The following TMEM132D variants were observed in gnomAD, a reference collection of about 807,000 sequenced individuals.
TMEM132D encodes the protein transmembrane protein 132D, also known as mature OL transmembrane protein.
In TMEM132D, 21 loss-of-function variants were observed where a neutral mutation model predicts 62.3. The ratio of observed to expected loss-of-function variants is 0.34; its 90% CI spans 0.24 to 0.49. TMEM132D has a LOEUF of 0.49. Among genes scored for constraint, TMEM132D ranks in the 20% least tolerant of loss-of-function variants. The pLI is 0.99. For missense variants in TMEM132D, 1,346 were observed against 1,402.8 expected (o/e 0.96, Z 0.65); for synonymous variants, 621 against 575.6 (o/e 1.08, Z -1.13).
chr12:129,081,068 G>T (rs1038451077), intron 7 of TMEM132D, among the ~76,000 whole-genome samples: 4 of 152,214 alleles, frequency 2.6e-5, no homozygotes, highest in Non-Finnish European at 5.9e-5. Context: ...AGGTTTAGGT[G>T]ACCATGCTCA....
intron 2 of TMEM132D, among the ~76,000 whole-genome samples, chr12:129,690,814 G>A (rs1881045468): frequency 6.6e-6 from 1 of 152,150 alleles, no homozygotes. Flanking sequence ...TAAGGATGTA[G>A]ATGACCTGAA....
At chr12:129,648,147 G>C (rs1260853882) in intron 2 of TMEM132D, among the ~76,000 whole-genome samples, 2 of 152,038 alleles carry the variant, frequency 1.3e-5, no homozygotes, top group African/African-American at 4.8e-5. Context: ...TCGCTCCTAT[G>C]GATAACATCA....
intron 2 of TMEM132D, among the ~76,000 whole-genome samples, chr12:129,685,853 G>C (rs548706033): frequency 5.9e-5 from 9 of 152,340 alleles, no homozygotes; most frequent in African/African-American, 1.9e-4. Context: ...GTAAGACATG[G>C]AGTCAAAGTA....
At chr12:129,401,732 G>A (rs1012587538) in intron 3 of TMEM132D, among the ~76,000 whole-genome samples, 1 of 152,154 alleles carries the variant, frequency 6.6e-6, no homozygotes, top group African/African-American at 2.4e-5. Context: ...GAGATAATGA[G>A]CTGGGATTGG....
intron 4 of TMEM132D, among the ~76,000 whole-genome samples, chr12:129,265,260 C>A (rs1395854942): frequency 6.6e-6 from 1 of 152,080 alleles, no homozygotes; most frequent in Non-Finnish European, 1.5e-5. Flanking sequence ...CCCATCAGAA[C>A]CATGTAGACT....
intron 5 of TMEM132D, among the ~76,000 whole-genome samples, chr12:129,116,683 CAAT>C (rs970322125): frequency 7.2e-5 from 11 of 151,888 alleles, no homozygotes; most frequent in African/African-American, 2.2e-4. Flanking sequence ...ATTAAAACAA[CAAT>C]GAGATGTGAT....
chr12:129,181,574 A>T (rs956048460), intron 5 of TMEM132D, among the ~76,000 whole-genome samples: 5 of 152,152 alleles, frequency 3.3e-5, no homozygotes, highest in African/African-American at 9.7e-5. Flanking sequence ...ATCCTTCCAC[A>T]GTGCTCCTGC....
intron 3 of TMEM132D, among the ~76,000 whole-genome samples, chr12:129,360,013 C>A (rs79820965): frequency 0.041 from 6,160 of 149,028 alleles, 188 homozygotes; most frequent in Admixed American, 0.07. Context: ...AAAAAAAAAA[C>A]CCCATTTTTT....
In TMEM132D at chr12:129,899,009, C is replaced by T. The variant is rs556508850; in HGVS notation, c.79+4252G>A. Among the ~76,000 whole-genome samples the T allele has an allele frequency of 6.6e-5, 10 of 152,338 alleles. No homozygotes were observed. In the South Asian group the frequency reaches 8.3e-4, roughly 13 times the overall value. ...GGCACTAAACATCCCTACCTAAGGA[C>T]GCTTTAGTACCTGTCCTGTGTCCTC... On this transcript the variant is annotated intron_variant, in intron 1 of 8. Transcript: ENST00000422113.
intron 5 of TMEM132D, among the ~76,000 whole-genome samples, chr12:129,132,571 G>A (rs929828042): frequency 2.6e-5 from 4 of 152,258 alleles, no homozygotes; most frequent in Admixed American, 2.0e-4. Flanking sequence ...AAAGCTATAA[G>A]TTTGTACCCT....
At position 129,825,346 on chromosome 12, in the gene TMEM132D, G is replaced by T. The variant is rs373109561; in HGVS notation, c.79+77915C>A. Among the ~76,000 whole-genome samples, 12 of 152,224 alleles carry T rather than the reference G, an allele frequency of 7.9e-5. 3 individuals carry two copies. The highest frequency in any genetic ancestry group is 2.9e-4 in the African/African-American group (12 of 41,544). ...GTCACTTTCTTCCGTGTCTCCCTGGGTGGGCGACTGCTTCAGGCTCAAGCT... is the reference window on the plus strand; with the variant it reads ...GTCACTTTCTTCCGTGTCTCCCTGGTTGGGCGACTGCTTCAGGCTCAAGCT... On this transcript the variant is annotated intron_variant, in intron 1 of 8. Transcript: ENST00000422113.
chr12:129,218,146 T>A (rs1386696576), intron 4 of TMEM132D, among the ~76,000 whole-genome samples: 1 of 152,216 alleles, frequency 6.6e-6, no homozygotes, highest in Non-Finnish European at 1.5e-5. Flanking sequence ...ATTGTCCTGG[T>A]TCCTACCTTT....
At chr12:129,795,833 C>T (rs1565988149) in intron 1 of TMEM132D, among the ~76,000 whole-genome samples, 1 of 152,100 alleles carries the variant, frequency 6.6e-6, no homozygotes. Context: ...TCCCACCTGA[C>T]TTATTATTTT....
intron 2 of TMEM132D, among the ~76,000 whole-genome samples, chr12:129,547,740 G>A (rs552699210): frequency 1.3e-5 from 2 of 152,220 alleles, no homozygotes; most frequent in Non-Finnish European, 2.9e-5. Context: ...TGCTGTTGGA[G>A]TGAAAAATCA....
At chr12:129,742,406 TC>T (rs1869638536) in intron 1 of TMEM132D, among the ~76,000 whole-genome samples, 1 of 152,116 alleles carries the variant, frequency 6.6e-6, no homozygotes, top group African/African-American at 2.4e-5. Context: ...GGTCCCAGAC[TC>T]TTTTTGACAG....
At chr12:129,563,346 T>C (rs748334225) in intron 2 of TMEM132D, among the ~76,000 whole-genome samples, 3 of 152,234 alleles carry the variant, frequency 2.0e-5, no homozygotes, top group Non-Finnish European at 2.9e-5. Context: ...TTCTTTTATG[T>C]ATTTTTGATC....
intron 2 of TMEM132D, among the ~76,000 whole-genome samples, chr12:129,679,108 T>G (rs1035089231): frequency 6.6e-6 from 1 of 152,068 alleles, no homozygotes; most frequent in South Asian, 2.1e-4. Context: ...AAAAATTAAC[T>G]TGTCAAGTTC....
chr12:129,697,530 G>A (rs1042498947), intron 2 of TMEM132D, among the ~76,000 whole-genome samples: 1 of 152,132 alleles, frequency 6.6e-6, no homozygotes, highest in Non-Finnish European at 1.5e-5. Context: ...GCATCGTACC[G>A]AGGTAAACAG....
intron 3 of TMEM132D, among the ~76,000 whole-genome samples, chr12:129,433,227 A>G (rs925150689): frequency 6.6e-6 from 1 of 152,190 alleles, no homozygotes; most frequent in African/African-American, 2.4e-5. Flanking sequence ...ATTCTTGCCC[A>G]TGTCTTTGGT....
Sources: gnomAD v4.1 joint callset for allele counts (sites outside exome capture counted in the v4.1 genomes callset) on GRCh38, gnomAD v4.1.1 for gene constraint, MANE v1.5 for transcripts, NCBI Gene and HGNC (gene_info 2026-07-23, HGNC 2026-07-21) for gene names.